The following TPD52L1 variants were observed in gnomAD, a reference collection of about 807,000 sequenced individuals.
TPD52L1 encodes TPD52 like 1, also known as tumor protein D53.
In TPD52L1, 18 loss-of-function variants were observed where a neutral mutation model predicts 28.7. That is an observed-to-expected ratio of 0.63 (90% CI 0.43 to 0.93). The LOEUF (loss-of-function observed/expected upper bound fraction) is 0.93, where lower values mean the gene tolerates loss of function less well. Ranked by LOEUF, TPD52L1 falls within the 40% of genes least tolerant of loss-of-function variation. TPD52L1 has a pLI of 0.00. For missense variants in TPD52L1, 203 were observed against 254.8 expected, an observed-to-expected ratio of 0.80 and a Z score of 1.39; for synonymous variants, 75 against 88.8, an observed-to-expected ratio of 0.84 and a Z score of 0.88.
chr6:125,155,053 A>T (rs1790030084), intron 1 of TPD52L1, among the ~76,000 whole-genome samples: 2 of 152,296 alleles, frequency 1.3e-5, no homozygotes, highest in East Asian at 1.9e-4. Flanking sequence ...TGCTGCCAGG[A>T]TTACAATTGT....
intron 1 of TPD52L1, among the ~76,000 whole-genome samples, chr6:125,191,527 C>T (rs1038955316): frequency 6.6e-6 from 1 of 152,158 alleles, no homozygotes; most frequent in African/African-American, 2.4e-5. Context: ...TGCAGAGGAA[C>T]CTACCCATTG....
chr6:125,231,131 ATT>A (rs1231454631), intron 3 of TPD52L1: 5 of 152,204 alleles, frequency 3.3e-5, no homozygotes, highest in Non-Finnish European at 2.9e-5. Context: ...TCACCTCTGT[ATT>A]TAATCCAGGC....
chr6:125,225,428 G>A (rs1014192492), intron 2 of TPD52L1, among the ~76,000 whole-genome samples: 7 of 152,152 alleles, frequency 4.6e-5, no homozygotes, highest in African/African-American at 9.7e-5. Flanking sequence ...GAAACTGTAC[G>A]ACTGTTTTCC....
chr6:125,188,230 A>G (rs2114847050), intron 1 of TPD52L1, among the ~76,000 whole-genome samples: 1 of 152,296 alleles, frequency 6.6e-6, no homozygotes, highest in Non-Finnish European at 1.5e-5. Flanking sequence ...CTCTGTTAAG[A>G]TATCCACGTC....
At chr6:125,174,061 C>T (rs888143320) in intron 1 of TPD52L1, among the ~76,000 whole-genome samples, 1 of 152,146 alleles carries the variant, frequency 6.6e-6, no homozygotes, top group African/African-American at 2.4e-5. Flanking sequence ...TGCTCATCTA[C>T]AAAATGGTGG....
At chr6:125,203,120 G>A (rs1331839846) in intron 1 of TPD52L1, among the ~76,000 whole-genome samples, 1 of 152,096 alleles carries the variant, frequency 6.6e-6, no homozygotes, top group Non-Finnish European at 1.5e-5. Flanking sequence ...AGAGTGTTGG[G>A]AAATGAGGGT....
intron 1 of TPD52L1, among the ~76,000 whole-genome samples, chr6:125,186,136 A>G (rs503439): frequency 0.59 from 89,953 of 151,870 alleles, 29,281 homozygotes; most frequent in African/African-American, 0.88. Flanking sequence ...CACCTGCCCC[A>G]GCCTCCCAAA....
chr6:125,195,807 T>C (rs942261155), intron 1 of TPD52L1, among the ~76,000 whole-genome samples: 11 of 152,154 alleles, frequency 7.2e-5, no homozygotes, highest in Admixed American at 2.0e-4. Context: ...TCTCAGACCA[T>C]TGTTGGTTTT....
intron 3 of TPD52L1, among the ~76,000 whole-genome samples, chr6:125,244,858 C>G (rs1249763529): frequency 6.6e-6 from 1 of 152,190 alleles, no homozygotes; most frequent in Non-Finnish European, 1.5e-5. Context: ...CTTCCCACCA[C>G]TGGAAAGATT....
At chr6:125,223,697 A>AGATTCCAT (rs1400134428) in intron 2 of TPD52L1, among the ~76,000 whole-genome samples, 4 of 126,512 alleles carry the variant, frequency 3.2e-5, no homozygotes, top group African/African-American at 9.4e-5. Flanking sequence ...CAACAGAGTG[A>AGATTCCAT]GATTCCATCT....
At chr6:125,202,587 G>C (rs574418128) in intron 1 of TPD52L1, among the ~76,000 whole-genome samples, 1 of 152,022 alleles carries the variant, frequency 6.6e-6, no homozygotes, top group Non-Finnish European at 1.5e-5. Context: ...GGAGGAGAAG[G>C]AGAAGAAGAA....
intron 1 of TPD52L1, among the ~76,000 whole-genome samples, chr6:125,166,133 G>A (rs937211841): frequency 1.3e-5 from 2 of 152,102 alleles, no homozygotes; most frequent in South Asian, 4.1e-4. Context: ...GCATATTCAC[G>A]GAAGCAGAAC....
chr6:125,252,012 C>T (rs1377908665), intron 4 of TPD52L1: 10 of 1,535,942 alleles, frequency 6.5e-6, no homozygotes, highest in Admixed American at 2.0e-5. Context: ...CCTGTGCTTC[C>T]GGGCTGCAGG....
At chr6:125,249,333 C>T (rs1156560439) in intron 4 of TPD52L1, among the ~76,000 whole-genome samples, 1 of 151,124 alleles carries the variant, frequency 6.6e-6, no homozygotes, top group Non-Finnish European at 1.5e-5. Context: ...AAAAAAAAAT[C>T]TCTGCGTATT....
chr6:125,219,648 T>G (rs1795096767), intron 1 of TPD52L1, among the ~76,000 whole-genome samples: 1 of 152,156 alleles, frequency 6.6e-6, no homozygotes, highest in African/African-American at 2.4e-5. Flanking sequence ...AATGAAGGTA[T>G]TTATTTCTAG....
At chr6:125,167,749 A>G (rs1363044043) in intron 1 of TPD52L1, among the ~76,000 whole-genome samples, 2 of 152,144 alleles carry the variant, frequency 1.3e-5, no homozygotes, top group African/African-American at 4.8e-5. Flanking sequence ...GAAGACACCA[A>G]GACTCCAGGT....
rs1583018949 is a variant in TPD52L1 at position 125,252,000 on chromosome 6, C to T, written c.387-1717C>T. 2.0e-6 allele frequency: 3 copies of T among 1,536,102 alleles called. No homozygotes were observed. In the East Asian group the frequency reaches 7.3e-5, roughly 38 times the overall value. The stretch of plus-strand genomic sequence containing the variant: ...TTGCTAACTCTGCTCCTGCTCTTCT[C>T]TCCTGTGCTTCCGGGCTGCAGGTCT... On this transcript the variant is annotated intron_variant, in intron 4 of 6. Coordinates refer to ENST00000534000, the MANE Select transcript of TPD52L1 (RefSeq NM_003287.4).
At chr6:125,160,332 A>G (rs1299351746) in intron 1 of TPD52L1, among the ~76,000 whole-genome samples, 1 of 152,088 alleles carries the variant, frequency 6.6e-6, no homozygotes, top group Non-Finnish European at 1.5e-5. Context: ...TTCTAAATCT[A>G]TAGATTTAGA....
At chr6:125,226,664 C>A (rs1040251648) in intron 2 of TPD52L1, among the ~76,000 whole-genome samples, 4 of 150,482 alleles carry the variant, frequency 2.7e-5, no homozygotes, top group Non-Finnish European at 5.9e-5. Context: ...CTCAATATAC[C>A]CCCACCCCCG....
Sources: allele counts gnomAD v4.1 joint callset (sites outside exome capture counted in the v4.1 genomes callset), GRCh38; gene constraint gnomAD v4.1.1; transcripts MANE v1.5; gene names NCBI Gene and HGNC (gene_info 2026-07-23, HGNC 2026-07-21).